MALRD1: variants seen among roughly 807,000 people sequenced by gnomAD.
MALRD1 encodes the protein MAM and LDL receptor class A domain containing 1.
In MALRD1, 247 loss-of-function variants were observed where a neutral mutation model predicts 242.1. That is an observed-to-expected ratio of 1.02 (90% CI 0.92 to 1.13). The LOEUF (loss-of-function observed/expected upper bound fraction) is 1.13. Among genes scored for constraint, MALRD1 ranks in the 50% most tolerant of loss-of-function variants. The probability of loss-of-function intolerance (pLI) is 0.00; values close to 1 mark genes in which losing one functional copy is unlikely to be tolerated. For synonymous variants in MALRD1, 995 were observed against 866.6 expected (o/e 1.15, Z -2.60); for missense variants, 2,989 against 2,533.1 (o/e 1.18, Z -3.86).
Position 19,209,152 on chromosome 10 carries a change from T to C in MALRD1, c.2579-116T>C. On this transcript the variant is annotated intron_variant, in intron 17 of 39. Coordinates refer to ENST00000454679, the MANE Select transcript of MALRD1 (RefSeq NM_001142308.3). ...TGTTGGATTTTAAAAATAAAATGGC[T>C]TACCTTGGCATGAGCAAAGTATCAA... 6.4e-6 allele frequency: 6 copies of C among 934,296 alleles called. No homozygotes were observed. The South Asian group carries it at 1.8e-4, about 28-fold the overall frequency. 57.9% of individuals were successfully genotyped at this position (934,296 alleles called of 1,614,324 possible).
intron 19 of MALRD1, among the ~76,000 whole-genome samples, chr10:19,277,177 T>G (rs910936418): frequency 6.6e-6 from 1 of 152,086 alleles, no homozygotes; most frequent in Non-Finnish European, 1.5e-5. Flanking sequence ...CCACCTGCCT[T>G]AGCCTCCCAA....
chr10:19,317,932 A>G (rs1323240146), intron 21 of MALRD1, among the ~76,000 whole-genome samples: 1 of 152,078 alleles, frequency 6.6e-6, no homozygotes, highest in Non-Finnish European at 1.5e-5. Flanking sequence ...AAAGTAAAGC[A>G]CGATTTTCTT....
At chr10:19,315,589 A>G (rs1405686504) in intron 21 of MALRD1, among the ~76,000 whole-genome samples, 3 of 60,382 alleles carry the variant, frequency 5.0e-5, no homozygotes, top group Non-Finnish European at 1.2e-4. Context: ...TATAAATTAT[A>G]AATATTTATA....
intron 18 of MALRD1, among the ~76,000 whole-genome samples, chr10:19,212,551 C>A (rs1411688906): frequency 6.6e-6 from 1 of 152,142 alleles, no homozygotes. Flanking sequence ...GTGCTATGAA[C>A]ATTTGTGTTG....
At chr10:19,370,872 A>G (rs1388227376) in intron 26 of MALRD1, among the ~76,000 whole-genome samples, 1 of 152,112 alleles carries the variant, frequency 6.6e-6, no homozygotes, top group Non-Finnish European at 1.5e-5. Context: ...CCACTGCACC[A>G]GGCCCACATA....
chr10:19,326,626 T>C (rs1843146176), intron 22 of MALRD1, among the ~76,000 whole-genome samples: 1 of 152,100 alleles, frequency 6.6e-6, no homozygotes, highest in South Asian at 2.1e-4. Context: ...TTGAATTTTA[T>C]AGACTGATCA....
At chr10:19,334,751 T>C (rs1004327278) in intron 24 of MALRD1, among the ~76,000 whole-genome samples, 1 of 152,144 alleles carries the variant, frequency 6.6e-6, no homozygotes, top group Non-Finnish European at 1.5e-5. Flanking sequence ...TGCTATTAGT[T>C]ATTTTTGTAT....
At chr10:19,222,249 GC>G (rs1421174385) in intron 18 of MALRD1, among the ~76,000 whole-genome samples, 2 of 151,940 alleles carry the variant, frequency 1.3e-5, no homozygotes, top group African/African-American at 2.4e-5. Context: ...ATACTGCCAA[GC>G]CCCCTCACCC....
chr10:19,299,996 G>A (rs149498033), intron 21 of MALRD1, among the ~76,000 whole-genome samples: 191 of 152,022 alleles, frequency 1.3e-3, no homozygotes, highest in African/African-American at 4.4e-3. Context: ...GAGGCTCCTG[G>A]ATTGAAGAAA....
chr10:19,287,944 C>T (rs1344954640), intron 21 of MALRD1, among the ~76,000 whole-genome samples: 2 of 151,898 alleles, frequency 1.3e-5, no homozygotes, highest in African/African-American at 2.4e-5. Context: ...TGTAAACAAG[C>T]AGGGAGAAAG....
intron 29 of MALRD1, among the ~76,000 whole-genome samples, chr10:19,458,080 C>A (rs1462181686): frequency 2.6e-5 from 4 of 152,038 alleles, no homozygotes; most frequent in Admixed American, 1.3e-4. Context: ...CTGCAATGCA[C>A]CTTTTGTACC....
chr10:19,638,440 G>A (rs984112524), intron 36 of MALRD1, among the ~76,000 whole-genome samples: 7 of 152,076 alleles, frequency 4.6e-5, no homozygotes, highest in Non-Finnish European at 8.8e-5. Flanking sequence ...GTAGCAGAAG[G>A]TTTATTTTAG....
At chr10:19,306,526 G>A (rs543274394) in intron 21 of MALRD1, among the ~76,000 whole-genome samples, 39 of 144,350 alleles carry the variant, frequency 2.7e-4, no homozygotes, top group East Asian at 6.2e-4. Context: ...ATATAGTGTC[G>A]TATATATACT....
At chr10:19,445,528 C>G in intron 28 of MALRD1, among the ~76,000 whole-genome samples, 1 of 152,348 alleles carries the variant, frequency 6.6e-6, no homozygotes, top group East Asian at 1.9e-4. Flanking sequence ...AGTTTTCCTT[C>G]TAACAGTCAG....
At chr10:19,513,521 C>T (rs7475862) in intron 31 of MALRD1, among the ~76,000 whole-genome samples, 14,622 of 151,004 alleles carry the variant, frequency 0.097, 729 homozygotes, top group South Asian at 0.11. Flanking sequence ...GGGCGGATCA[C>T]GAGGTCAGGA....
chr10:19,230,281 T>C (rs746622809), intron 18 of MALRD1, among the ~76,000 whole-genome samples: 3 of 152,260 alleles, frequency 2.0e-5, no homozygotes, highest in Middle Eastern at 3.4e-3. Context: ...CCCATTTGCA[T>C]TGTTATAAAG....
intron 18 of MALRD1, among the ~76,000 whole-genome samples, chr10:19,239,177 G>A (rs555788137): frequency 5.1e-4 from 77 of 151,924 alleles, no homozygotes; most frequent in African/African-American, 1.8e-3. Flanking sequence ...CCCTGCCTCA[G>A]CCTGCTGAGT....
At chr10:19,276,966 C>A (rs1840559682) in intron 19 of MALRD1, among the ~76,000 whole-genome samples, 1 of 151,940 alleles carries the variant, frequency 6.6e-6, no homozygotes, top group Admixed American at 6.6e-5. Context: ...GTCACCCAGA[C>A]CAGAGTGCAG....
In MALRD1 at chr10:19,208,084, ATTT is replaced by A. The variant is rs5783658; in HGVS notation, c.2579-1171_2579-1169del. Among the ~76,000 whole-genome samples, 1,382 of 149,244 alleles carry A rather than the reference ATTT, an allele frequency of 9.3e-3. 14 individuals carry two copies. Among genetic ancestry groups the A allele is most frequent in the African/African-American group, 0.03 (1,226 of 40,694 alleles). On this transcript the variant is annotated intron_variant, in intron 17 of 39. Transcript: ENST00000454679. The stretch of plus-strand genomic sequence containing the variant: ...TTATTTCAGGAATTCTCCATTTCAC[ATTT>A]TTTTTTTTTTTTACCACAGTTGGTT...
Sources: allele counts gnomAD v4.1 joint callset (sites outside exome capture counted in the v4.1 genomes callset), GRCh38; gene constraint gnomAD v4.1.1; transcripts MANE v1.5; gene names NCBI Gene and HGNC (gene_info 2026-07-23, HGNC 2026-07-21).